GPC6: variants seen among roughly 807,000 people sequenced by gnomAD.
GPC6 encodes the protein glypican-6.
A neutral mutation model predicts 55.2 loss-of-function variants in GPC6; 14 were observed. That is an observed-to-expected ratio of 0.25 (90% CI 0.17 to 0.40). The LOEUF (loss-of-function observed/expected upper bound fraction) is 0.40, where lower values mean the gene tolerates loss of function less well. GPC6 is among the 10% of genes least tolerant of loss of function. GPC6 has a pLI of 1.00. For missense variants in GPC6, 641 were observed against 708.5 expected (o/e 0.90, Z 1.08); for synonymous variants, 278 against 259.6 (o/e 1.07, Z -0.68).
chr13:93,882,097 C>CTTTT (rs1340566744), intron 3 of GPC6, among the ~76,000 whole-genome samples: 2 of 147,420 alleles, frequency 1.4e-5, no homozygotes. Context: ...TTCTTTCTTT[C>CTTTT]TTTTCTTTCG....
Position 93,751,158 on chromosome 13 carries a change from AAAACAAAC to A in GPC6, c.320-78972_320-78965del, listed in dbSNP as rs75613000. On this transcript the variant is annotated intron_variant, in intron 2 of 8. Coordinates refer to ENST00000377047, the MANE Select transcript of GPC6 (RefSeq NM_005708.5). ...CAGCTTTTCAAGTCCCAAAAAAAGA[AAAACAAAC>A]AAACAAACAAACAAACAAACAAAAA... Among the ~76,000 whole-genome samples, 976 of 150,576 alleles carry A rather than the reference AAAACAAAC, an allele frequency of 6.5e-3. 7 individuals carry two copies. Among genetic ancestry groups the A allele is most frequent in the Non-Finnish European group, 0.011 (768 of 67,710 alleles).
chr13:94,361,827 A>G (rs934040711), intron 6 of GPC6, among the ~76,000 whole-genome samples: 1 of 152,264 alleles, frequency 6.6e-6, no homozygotes, highest in African/African-American at 2.4e-5. Context: ...CACTTGGGAA[A>G]GGTGGTTTCT....
chr13:93,643,522 T>C (rs983931280), intron 2 of GPC6, among the ~76,000 whole-genome samples: 2 of 152,086 alleles, frequency 1.3e-5, no homozygotes, highest in African/African-American at 4.8e-5. Flanking sequence ...GTAACTAAAA[T>C]CTATGGGAAG....
intron 3 of GPC6, among the ~76,000 whole-genome samples, chr13:93,983,873 G>T (rs1019157552): frequency 1.3e-5 from 2 of 151,168 alleles, no homozygotes; most frequent in African/African-American, 4.9e-5. Context: ...GCTGATTCTT[G>T]CCTCATATGA....
In GPC6 at chr13:93,584,662, G is replaced by A. The variant is rs142668196; in HGVS notation, c.319+39241G>A. ...ATGGTTATTCTAAAGTATAATGCAC[G>A]TTACCATGTTACCTTCTGAAAGTTT... On this transcript the variant is annotated intron_variant, in intron 2 of 8. Transcript: ENST00000377047. Among the ~76,000 whole-genome samples the A allele has an allele frequency of 2.4e-3, 340 of 144,604 alleles. 2 individuals carry two copies. Among genetic ancestry groups the A allele is most frequent in the African/African-American group, 8.6e-3 (333 of 38,500 alleles). 94.9% of individuals were successfully genotyped at this position (144,604 alleles called of 152,430 possible).
At chr13:93,504,521 T>G (rs1880638742) in intron 1 of GPC6, among the ~76,000 whole-genome samples, 2 of 150,798 alleles carry the variant, frequency 1.3e-5, no homozygotes, top group African/African-American at 2.4e-5. Flanking sequence ...CACTGGATTG[T>G]AACTTTTTTG....
intron 2 of GPC6, among the ~76,000 whole-genome samples, chr13:93,763,007 G>C (rs1047889420): frequency 3.9e-5 from 6 of 152,180 alleles, no homozygotes; most frequent in African/African-American, 1.4e-4. Flanking sequence ...CAGTTAGCTG[G>C]AGTGCTTTAT....
intron 1 of GPC6, chr13:93,450,758 C>G (rs917573828): frequency 1.1e-6 from 1 of 927,670 alleles, no homozygotes. Flanking sequence ...TAAGGATGAA[C>G]CTTTAGGAAA....
At chr13:93,861,968 A>C (rs892925892) in intron 3 of GPC6, among the ~76,000 whole-genome samples, 2 of 151,700 alleles carry the variant, frequency 1.3e-5, no homozygotes, top group African/African-American at 4.8e-5. Context: ...AGCTGCTGCT[A>C]GGATTTCATG....
intron 1 of GPC6, among the ~76,000 whole-genome samples, chr13:93,364,456 T>C (rs1881166370): frequency 6.6e-6 from 1 of 151,986 alleles, no homozygotes; most frequent in African/African-American, 2.4e-5. Context: ...GAAGGAACTG[T>C]CATGTGAATA....
At chr13:93,913,654 A>T (rs1391563416) in intron 3 of GPC6, among the ~76,000 whole-genome samples, 1 of 152,160 alleles carries the variant, frequency 6.6e-6, no homozygotes, top group South Asian at 2.1e-4. Context: ...GAATTAAACT[A>T]TTGTGCATTT....
intron 1 of GPC6, among the ~76,000 whole-genome samples, chr13:93,539,241 A>G (rs928502367): frequency 1.3e-5 from 2 of 152,122 alleles, no homozygotes; most frequent in African/African-American, 4.8e-5. Flanking sequence ...ATTCTATCCT[A>G]GGGTCTTTAG....
intron 6 of GPC6, among the ~76,000 whole-genome samples, chr13:94,379,294 C>T (rs1438207816): frequency 1.3e-5 from 2 of 152,196 alleles, no homozygotes. Flanking sequence ...GCCTCACCAT[C>T]ACCGTCTGCA....
intron 1 of GPC6, among the ~76,000 whole-genome samples, chr13:93,521,739 A>G (rs1881430652): frequency 6.6e-6 from 1 of 151,976 alleles, no homozygotes; most frequent in Non-Finnish European, 1.5e-5. Flanking sequence ...GCTAACATTA[A>G]GTTCTCCAGT....
intron 3 of GPC6, among the ~76,000 whole-genome samples, chr13:93,958,573 A>G (rs1286977241): frequency 6.6e-6 from 1 of 152,112 alleles, no homozygotes; most frequent in Non-Finnish European, 1.5e-5. Flanking sequence ...TTTTACCAGT[A>G]TCAGCTGTTT....
At chr13:94,212,047 C>G (rs763676024) in intron 4 of GPC6, among the ~76,000 whole-genome samples, 9 of 152,080 alleles carry the variant, frequency 5.9e-5, no homozygotes, top group Non-Finnish European at 7.4e-5. Context: ...TTATTAGCAC[C>G]CTTTTTTATA....
chr13:93,468,217 T>C (rs1345456838), intron 1 of GPC6, among the ~76,000 whole-genome samples: 2 of 152,154 alleles, frequency 1.3e-5, no homozygotes, highest in South Asian at 4.1e-4. Context: ...CTTCAATTAC[T>C]GGTCTTGATC....
intron 2 of GPC6, among the ~76,000 whole-genome samples, chr13:93,644,731 C>G (rs528935818): frequency 6.6e-6 from 1 of 151,184 alleles, no homozygotes; most frequent in African/African-American, 2.4e-5. Context: ...TTTTACTTCC[C>G]ATATTGTCAA....
chr13:94,171,785 T>G (rs548604411), intron 4 of GPC6, among the ~76,000 whole-genome samples: 1 of 152,164 alleles, frequency 6.6e-6, no homozygotes, highest in Non-Finnish European at 1.5e-5. Flanking sequence ...AAAGCACAAC[T>G]GCGTGCTTCA....
Sources: allele counts gnomAD v4.1 joint callset (sites outside exome capture counted in the v4.1 genomes callset), GRCh38; gene constraint gnomAD v4.1.1; transcripts MANE v1.5; gene names NCBI Gene and HGNC (gene_info 2026-07-23, HGNC 2026-07-21).